The following DACH2 variants were observed in gnomAD, a reference collection of about 807,000 sequenced individuals.
The protein encoded by DACH2 is dachshund homolog 2.
In DACH2, 17 loss-of-function variants were observed where a neutral mutation model predicts 35.8. The ratio of observed to expected loss-of-function variants is 0.48; its 90% CI spans 0.33 to 0.71. The LOEUF (loss-of-function observed/expected upper bound fraction) is 0.71. Among genes scored for constraint, DACH2 ranks in the 30% least tolerant of loss-of-function variants. DACH2 has a pLI of 0.02. For synonymous variants in DACH2, 195 were observed against 177.3 expected, an observed-to-expected ratio of 1.10 and a Z score of -0.79; for missense variants, 469 against 472.7, an observed-to-expected ratio of 0.99 and a Z score of 0.07.
chrX:86,606,056 G>C (rs9698622), intron 3 of DACH2, among the ~76,000 whole-genome samples: 2,035 of 110,438 alleles, frequency 0.018, 41 homozygotes, highest in African/African-American at 0.063. Flanking sequence ...CTATTGTTTT[G>C]TTTCTTGGCA....
intron 1 of DACH2, among the ~76,000 whole-genome samples, chrX:86,329,733 A>G (rs2035178442): frequency 9.0e-6 from 1 of 111,501 alleles, no homozygotes; most frequent in African/African-American, 3.3e-5. Context: ...CTATAGCTTT[A>G]TTTTAGATCA....
At chrX:86,788,930 T>G (rs183807089) in intron 7 of DACH2, among the ~76,000 whole-genome samples, 41 of 111,787 alleles carry the variant, frequency 3.7e-4, no homozygotes, top group African/African-American at 1.3e-3. Flanking sequence ...CTAAGGTACA[T>G]CTAAGTACAC....
chrX:86,522,836 A>C (rs774002340), intron 3 of DACH2, among the ~76,000 whole-genome samples: 3 of 111,676 alleles, frequency 2.7e-5, no homozygotes, highest in Admixed American at 9.6e-5. Flanking sequence ...AGGAGAGGGA[A>C]TATTATATAC....
intron 2 of DACH2, among the ~76,000 whole-genome samples, chrX:86,458,874 G>T (rs181990643): frequency 9.0e-6 from 1 of 110,586 alleles, no homozygotes; most frequent in African/African-American, 3.3e-5. Flanking sequence ...CTGTCAGGGG[G>T]TGGAGGCTAG....
chrX:86,443,748 G>C (rs1182817605), intron 2 of DACH2, among the ~76,000 whole-genome samples: 1 of 111,551 alleles, frequency 9.0e-6, no homozygotes, highest in Non-Finnish European at 1.9e-5. Flanking sequence ...TGCACCAACT[G>C]AAATTATCAT....
chrX:86,732,633 T>G (rs1191010603), intron 6 of DACH2, among the ~76,000 whole-genome samples: 1 of 112,071 alleles, frequency 8.9e-6, no homozygotes, highest in Non-Finnish European at 1.9e-5. Context: ...GAAATGGAGA[T>G]GCTAATTGTA....
At chrX:86,581,891 T>C (rs914348870) in intron 3 of DACH2, among the ~76,000 whole-genome samples, 2 of 111,174 alleles carry the variant, frequency 1.8e-5, no homozygotes, top group Admixed American at 9.6e-5. Context: ...CCAATAAGCC[T>C]ACCCTAAAAC....
intron 1 of DACH2, among the ~76,000 whole-genome samples, chrX:86,204,258 T>C (rs1011754053): frequency 8.9e-6 from 1 of 112,055 alleles, no homozygotes; most frequent in African/African-American, 3.2e-5. Context: ...CTACAGACTA[T>C]GTACTATAAA....
At chrX:86,546,024 A>G (rs2148304217) in intron 3 of DACH2, among the ~76,000 whole-genome samples, 1 of 101,351 alleles carries the variant, frequency 9.9e-6, no homozygotes, top group African/African-American at 4.2e-5. Context: ...GGTGAATTGT[A>G]TCACAGAATA....
rs1205667474 is a variant in DACH2, at chrX:86,825,297, G to A, written c.1751-6809G>A. Among the ~76,000 whole-genome samples the A allele has an allele frequency of 3.6e-5, 4 of 110,661 alleles. No individual in the cohort carries two copies. In the East Asian group the frequency reaches 1.1e-3, roughly 32 times the overall value. On this transcript the variant is annotated intron_variant, in intron 11 of 11. Coordinates refer to ENST00000373125, the MANE Select transcript of DACH2 (RefSeq NM_053281.3). The stretch of plus-strand genomic sequence containing the variant: ...CCAGGTGTGATGGCACACGCCTGTA[G>A]TCCCAGCTACCTGGGAGGCTGAGGC...
At chrX:86,516,919 T>C (rs371200400) in intron 3 of DACH2, among the ~76,000 whole-genome samples, 21 of 112,007 alleles carry the variant, frequency 1.9e-4, no homozygotes, top group African/African-American at 6.5e-4. Flanking sequence ...TAGTATTCCA[T>C]GGTGTATATA....
intron 2 of DACH2, among the ~76,000 whole-genome samples, chrX:86,499,720 T>C (rs1236003203): frequency 8.9e-6 from 1 of 112,157 alleles, no homozygotes; most frequent in Non-Finnish European, 1.9e-5. Context: ...TCCTTCATGA[T>C]TTTTCATTGC....
chrX:86,477,681 G>T (rs1193252954), intron 2 of DACH2, among the ~76,000 whole-genome samples: 1 of 110,089 alleles, frequency 9.1e-6, no homozygotes, highest in African/African-American at 3.3e-5. Flanking sequence ...CTATAAATAA[G>T]GACTTACTCC....
chrX:86,534,765 C>G (rs962674387), intron 3 of DACH2, among the ~76,000 whole-genome samples: 1 of 111,299 alleles, frequency 9.0e-6, no homozygotes, highest in Non-Finnish European at 1.9e-5. Context: ...TATTGTATGT[C>G]TTTTTACTTT....
intron 1 of DACH2, among the ~76,000 whole-genome samples, chrX:86,315,788 GACACACACACACAC>G (rs774427717): frequency 1.4e-3 from 113 of 78,505 alleles, no homozygotes; most frequent in African/African-American, 4.3e-3. Flanking sequence ...GAGGGTCGTG[GACACACACACACAC>G]ACACACACAC....
chrX:86,316,462 C>A (rs1269975671), intron 1 of DACH2, among the ~76,000 whole-genome samples: 1 of 111,614 alleles, frequency 9.0e-6, no homozygotes, highest in Non-Finnish European at 1.9e-5. Flanking sequence ...TTTCTTTGAA[C>A]TGCATGAGGT....
intron 6 of DACH2, among the ~76,000 whole-genome samples, chrX:86,716,661 A>ATATTTATGAAATTAATT: frequency 8.9e-6 from 1 of 112,092 alleles, no homozygotes; most frequent in East Asian, 2.8e-4. Context: ...TTTCATAAAT[A>ATATTTATGAAATTAATT]CCATATTTAA....
intron 4 of DACH2, among the ~76,000 whole-genome samples, chrX:86,689,721 T>C (rs1390625846): frequency 8.9e-6 from 1 of 112,017 alleles, no homozygotes; most frequent in Non-Finnish European, 1.9e-5. Flanking sequence ...TTATATGTTT[T>C]GTTGTAGCTA....
chrX:86,601,476 T>C (rs1224488987), intron 3 of DACH2, among the ~76,000 whole-genome samples: 1 of 111,568 alleles, frequency 9.0e-6, no homozygotes, highest in Admixed American at 9.5e-5. Flanking sequence ...GAAATAGCTT[T>C]TGTTGATGGA....
Sources: gnomAD v4.1 joint callset for allele counts (sites outside exome capture counted in the v4.1 genomes callset) on GRCh38, gnomAD v4.1.1 for gene constraint, MANE v1.5 for transcripts, NCBI Gene and HGNC (gene_info 2026-07-23, HGNC 2026-07-21) for gene names.